The following RARA variants were observed in gnomAD, a reference collection of about 807,000 sequenced individuals.
RARA encodes the protein retinoic acid receptor alpha.
In RARA, 5 loss-of-function variants were observed where a neutral mutation model predicts 42.8. The ratio of observed to expected loss-of-function variants is 0.12; its 90% CI spans 0.06 to 0.25. The LOEUF (loss-of-function observed/expected upper bound fraction) is 0.25, where lower values mean the gene tolerates loss of function less well. Among genes scored for constraint, RARA ranks in the 10% least tolerant of loss-of-function variants. RARA has a pLI of 1.00. For synonymous variants in RARA, 256 were observed against 259.5 expected (o/e 0.99, Z 0.13); for missense variants, 402 against 628.7 (o/e 0.64, Z 3.86).
At chr17:40,342,675 AG>A in intron 2 of RARA, 1 of 1,596,156 alleles carries the variant, frequency 6.3e-7, no homozygotes. Context: ...AGGACTTCCC[AG>A]CTCGGACCTC....
Position 40,342,844 on chromosome 17 carries a change from C to T in RARA, c.179-5472C>T, listed in dbSNP as rs1417523025. The stretch of plus-strand genomic sequence containing the variant: ...CCGTACTCCACCCCGCTCCGGACTC[C>T]GCTTTGGAATGGCTCAAACCACTGT... On this transcript the variant is annotated intron_variant, in intron 2 of 8. Transcript: ENST00000254066. The T allele has an allele frequency of 3.7e-6, 6 of 1,612,860 alleles. No individual in the cohort carries two copies. The South Asian group carries it at 6.6e-5, about 18-fold the overall frequency.
chr17:40,310,704 T>C (rs576469563), intron 1 of RARA, among the ~76,000 whole-genome samples: 38 of 152,252 alleles, frequency 2.5e-4, no homozygotes, highest in African/African-American at 8.9e-4. Flanking sequence ...TATATGTGTT[T>C]ATATAGGTCT....
In RARA at chr17:40,341,307, G is replaced by A. The variant is rs543058155; in HGVS notation, c.179-7009G>A. On this transcript the variant is annotated intron_variant, in intron 2 of 8. Transcript: ENST00000254066. ...TTTGCTCGCCGGAAGCACGCAGAGC[G>A]TGGGGAGGAGGGCCCCCTCTGCCTG... 5 of 1,383,426 alleles carry A rather than the reference G, an allele frequency of 3.6e-6. No homozygotes were observed. In the African/African-American group the frequency reaches 4.5e-5, roughly 13 times the overall value. The allele number at this position is 1,383,426 out of a possible 1,614,324, so 85.7% of individuals were successfully genotyped here. A position where few individuals can be genotyped will look rare whatever the true frequency, so the allele number is the denominator to read the frequency against.
chr17:40,316,706 G>C (rs888435771), intron 1 of RARA, among the ~76,000 whole-genome samples: 1 of 152,186 alleles, frequency 6.6e-6, no homozygotes, highest in African/African-American at 2.4e-5. Context: ...CCTTGGGGGA[G>C]CGCGGCTGGG....
intron 2 of RARA, among the ~76,000 whole-genome samples, chr17:40,347,611 C>G (rs1171363458): frequency 6.6e-6 from 1 of 152,190 alleles, no homozygotes; most frequent in Non-Finnish European, 1.5e-5. Flanking sequence ...CTTTGTCATG[C>G]CATCTCTCCC....
rs1335638293 is a variant in RARA, at chr17:40,320,731, A to C, written c.-362-10126A>C. On this transcript the variant is annotated intron_variant, in intron 1 of 8. Coordinates refer to ENST00000254066, the MANE Select transcript of RARA (RefSeq NM_000964.4). This position sits in a 1 kb window ranked among gnomAD's most constrained non-coding sequence, Gnocchi z 4.1. Reference sequence around the variant, plus strand: ...CAGGACAGGACTTAGGCTAGGCTGGAGGGGTGGTTTCTTTTGACCTCTGTG... The same window carrying C: ...CAGGACAGGACTTAGGCTAGGCTGGCGGGGTGGTTTCTTTTGACCTCTGTG... 6.6e-6 allele frequency among the ~76,000 whole-genome samples: 1 copy of C among 152,012 alleles called. No individual in the cohort carries two copies. The highest frequency in any genetic ancestry group is 1.5e-5 in the Non-Finnish European group (1 of 67,976).
In RARA at chr17:40,349,858, G is replaced by C. The variant is rs543704273; in HGVS notation, c.402G>C (p.Lys134Asn). Residue 134 changes from lysine (K) to asparagine (N), a missense_variant, in exon 4 of 9, where the codon AAG becomes AAC. Coordinates refer to ENST00000254066, the MANE Select transcript of RARA (RefSeq NM_000964.4). The part of the protein sequence containing the change: ...CHRDKNCIIN[K>N]VTRNRCQYCR... Reference sequence around the variant, plus strand: ...GGGACAAGAACTGCATCATCAACAAGGTGACCCGGAACCGCTGCCAGTACT... The same window carrying C: ...GGGACAAGAACTGCATCATCAACAACGTGACCCGGAACCGCTGCCAGTACT... The C allele has an allele frequency of 6.2e-7, 1 of 1,614,208 alleles. No homozygotes were observed. Among genetic ancestry groups the C allele is most frequent in the South Asian group, 1.1e-5 (1 of 91,082 alleles).
Position 40,351,006 on chromosome 17 carries a change from C to G in RARA, c.470-904C>G, listed in dbSNP as rs957377760. 6.6e-6 allele frequency among the ~76,000 whole-genome samples: 1 copy of G among 152,174 alleles called. No homozygotes were observed. The highest frequency in any genetic ancestry group is 1.9e-4 in the East Asian group (1 of 5,180). On this transcript the variant is annotated intron_variant, in intron 4 of 8. Coordinates refer to ENST00000254066, the MANE Select transcript of RARA (RefSeq NM_000964.4). The surrounding 1 kb of genome is among the most constrained non-coding windows in gnomAD (Gnocchi z 4.1). ...CCCTTCTCCCTCCCACCGCCAACTC[C>G]CCCTCTCCCGGCTGCTCTGTGCCCC...
Position 40,355,450 on chromosome 17 carries a change from G to A in RARA, c.1171+29G>A, listed in dbSNP as rs1422018187. On this transcript the variant is annotated intron_variant, in intron 8 of 8. Coordinates refer to ENST00000254066, the MANE Select transcript of RARA (RefSeq NM_000964.4). This position sits in a 1 kb window ranked among gnomAD's most constrained non-coding sequence, Gnocchi z 4.1. ...AGGCTCACAGACCTGGAGGGGTACC[G>A]GCCCCCGACACCTGGCCCAGGCCCC... 4 of 1,589,454 alleles carry A rather than the reference G, an allele frequency of 2.5e-6. No individual in the cohort carries two copies. The highest frequency in any genetic ancestry group is 1.3e-5 in the African/African-American group (1 of 74,318).
rs1009405228 is a variant in RARA, at chr17:40,354,602, ATC to A, written c.1012+100_1012+101del. 94 of 1,401,978 alleles carry A rather than the reference ATC, an allele frequency of 6.7e-5. No individual in the cohort carries two copies. In the African/African-American group the frequency reaches 1.3e-3, roughly 19 times the overall value. The allele number at this position is 1,401,978 out of a possible 1,614,324, so 86.8% of individuals were successfully genotyped here. ...CTCTTTCAGGCCACCTCTGTTAGGT[ATC>A]TCTAGAGGGCAGGGTCTGGTCTGCA... On this transcript the variant is annotated intron_variant, in intron 7 of 8. Transcript: ENST00000254066. This position sits in a 1 kb window ranked among gnomAD's most constrained non-coding sequence, Gnocchi z 4.5.
chr17:40,356,204 G>T lies in RARA; in HGVS notation c.1367G>T (p.Ser456Ile). The change falls in exon 9 of 9, where the codon AGC becomes ATC. Residue 456 changes from serine (S) to isoleucine (I), a missense_variant. Coordinates refer to ENST00000254066, the MANE Select transcript of RARA (RefSeq NM_000964.4). ...CTCAGCCCCAGCTCCAACAGAAGCA[G>T]CCCGGCCACCCACTCCCCGTGACCG... ...PSLSPSSNRS[S>I]PATHSP 6.5e-7 allele frequency: 1 copy of T among 1,550,064 alleles called. No homozygotes were observed.
intron 2 of RARA, among the ~76,000 whole-genome samples, chr17:40,344,951 C>G (rs986848666): frequency 1.3e-5 from 2 of 152,228 alleles, no homozygotes; most frequent in South Asian, 2.1e-4. Flanking sequence ...CTCCAGCCCC[C>G]TCTTGGGGAA....
At chr17:40,317,304 T>C (rs894632936) in intron 1 of RARA, among the ~76,000 whole-genome samples, 12 of 151,650 alleles carry the variant, frequency 7.9e-5, no homozygotes, top group Non-Finnish European at 1.3e-4. Context: ...CAATTCTGCT[T>C]CCCCCTAAGC....
chr17:40,335,560 C>G (rs754094118), intron 2 of RARA, among the ~76,000 whole-genome samples: 1 of 151,978 alleles, frequency 6.6e-6, no homozygotes, highest in African/African-American at 2.4e-5. Context: ...CGAGGTGGCA[C>G]GTGTCTGTAA....
At chr17:40,317,398 A>C (rs1205714617) in intron 1 of RARA, among the ~76,000 whole-genome samples, 1 of 151,938 alleles carries the variant, frequency 6.6e-6, no homozygotes, top group Non-Finnish European at 1.5e-5. Context: ...TGTATTGGGG[A>C]CTGGGGGTCT....
chr17:40,325,473 C>T (rs1598543645), intron 1 of RARA, among the ~76,000 whole-genome samples: 1 of 152,182 alleles, frequency 6.6e-6, no homozygotes, highest in East Asian at 1.9e-4. Flanking sequence ...CAACCCCTGT[C>T]TGCAGATATG....
chr17:40,350,714 C>A (rs1253354648), intron 4 of RARA, among the ~76,000 whole-genome samples: 2 of 151,722 alleles, frequency 1.3e-5, no homozygotes, highest in Non-Finnish European at 2.9e-5. Context: ...GGAGGGGGCA[C>A]GGGTGAGATG....
chr17:40,347,166 C>T (rs555649946), intron 2 of RARA, among the ~76,000 whole-genome samples: 13 of 152,208 alleles, frequency 8.5e-5, no homozygotes, highest in Middle Eastern at 6.8e-3. Flanking sequence ...TCTCATGTGC[C>T]GGAGTTTGGG....
Position 40,354,293 on chromosome 17 carries a change from T to C in RARA, c.808-9T>C. ...TCAGTCCCTGAACCCAAGCATCCTCTGCACCCAGATCCTGCGGATCTGCAC... is the reference window on the plus strand; with the variant it reads ...TCAGTCCCTGAACCCAAGCATCCTCCGCACCCAGATCCTGCGGATCTGCAC... On this transcript the variant is annotated splice_polypyrimidine_tract_variant and intron_variant, in intron 6 of 8. Transcript: ENST00000254066. This position sits in a 1 kb window ranked among gnomAD's most constrained non-coding sequence, Gnocchi z 4.5. The C allele has an allele frequency of 1.2e-6, 2 of 1,613,572 alleles. No homozygotes were observed. Among genetic ancestry groups the C allele is most frequent in the Non-Finnish European group, 1.7e-6 (2 of 1,179,792 alleles).
Sources: allele counts gnomAD v4.1 joint callset (sites outside exome capture counted in the v4.1 genomes callset), GRCh38; gene constraint gnomAD v4.1.1; non-coding constraint Gnocchi (gnomAD v3.1); transcripts MANE v1.5; gene names NCBI Gene and HGNC (gene_info 2026-07-23, HGNC 2026-07-21).